Variants in PLD5 observed in about 807,000 individuals in gnomAD.
The protein encoded by PLD5 is inactive phospholipase D5.
A neutral mutation model predicts 61.1 loss-of-function variants in PLD5; 36 were observed. That is an observed-to-expected ratio of 0.59 (90% confidence interval 0.45 to 0.78). The LOEUF is 0.78. Among genes scored for constraint, PLD5 ranks in the 30% least tolerant of loss-of-function variants. The probability of loss-of-function intolerance (pLI) is 0.00; values close to 1 mark genes in which losing one functional copy is unlikely to be tolerated. For missense variants in PLD5, 515 were observed against 644.4 expected (o/e 0.80, Z 2.17); for synonymous variants, 243 against 242.8 (o/e 1.00, Z -0.01).
At chr1:242,513,969 C>T (rs1669019055) in intron 1 of PLD5, among the ~76,000 whole-genome samples, 1 of 152,210 alleles carries the variant, frequency 6.6e-6, no homozygotes, top group African/African-American at 2.4e-5. Context: ...TCCATCACCT[C>T]TTTTTACTTC....
At chr1:242,147,012 A>G (rs188504606) in intron 5 of PLD5, among the ~76,000 whole-genome samples, 25 of 152,316 alleles carry the variant, frequency 1.6e-4, no homozygotes, top group African/African-American at 5.5e-4. Context: ...TTTATTTTCC[A>G]TTTATATTGA....
chr1:242,328,134 T>C (rs1349366032), intron 2 of PLD5, among the ~76,000 whole-genome samples: 4 of 152,114 alleles, frequency 2.6e-5, no homozygotes, highest in Admixed American at 6.5e-5. Flanking sequence ...TGTAACTAAA[T>C]AGTCAATCAT....
intron 5 of PLD5, among the ~76,000 whole-genome samples, chr1:242,176,141 A>G (rs57768939): frequency 0.079 from 11,973 of 152,236 alleles, 552 homozygotes; most frequent in Middle Eastern, 0.15. Context: ...AATCCTAAAT[A>G]AAAAGAATAA....
intron 4 of PLD5, among the ~76,000 whole-genome samples, chr1:242,226,562 G>A (rs1400137830): frequency 2.6e-5 from 4 of 152,166 alleles, no homozygotes; most frequent in Admixed American, 6.5e-5. Flanking sequence ...AACAAACAAG[G>A]CTAAGGTTCA....
At chr1:242,416,489 A>C (rs1572104753) in intron 1 of PLD5, among the ~76,000 whole-genome samples, 1 of 152,172 alleles carries the variant, frequency 6.6e-6, no homozygotes, top group South Asian at 2.1e-4. Context: ...GAAGCCTAGG[A>C]TCTCTTAGTT....
At chr1:242,154,494 C>T (rs1463552572) in intron 5 of PLD5, among the ~76,000 whole-genome samples, 2 of 152,072 alleles carry the variant, frequency 1.3e-5, no homozygotes, top group Non-Finnish European at 1.5e-5. Flanking sequence ...ATAAATAGCT[C>T]TTATTATTTT....
intron 5 of PLD5, among the ~76,000 whole-genome samples, chr1:242,128,797 T>A (rs1372026121): frequency 6.6e-6 from 1 of 152,066 alleles, no homozygotes; most frequent in Non-Finnish European, 1.5e-5. Flanking sequence ...GGAGACAGAC[T>A]AGCTCCACCA....
At chr1:242,101,952 T>C (rs1430257935) in intron 8 of PLD5, among the ~76,000 whole-genome samples, 2 of 152,180 alleles carry the variant, frequency 1.3e-5, no homozygotes, top group Non-Finnish European at 2.9e-5. Context: ...TGTGTGGCTC[T>C]CAGGGCCCTA....
At chr1:242,202,391 G>A (rs1292761171) in intron 5 of PLD5, among the ~76,000 whole-genome samples, 3 of 152,076 alleles carry the variant, frequency 2.0e-5, no homozygotes, top group African/African-American at 7.2e-5. Context: ...CACATTTATT[G>A]AGCTTACAAT....
At chr1:242,258,659 C>A (rs3001672) in intron 4 of PLD5, among the ~76,000 whole-genome samples, 3 of 152,146 alleles carry the variant, frequency 2.0e-5, no homozygotes, top group Non-Finnish European at 4.4e-5. Context: ...CATTTAAGGA[C>A]CCTTTGAGGA....
chr1:242,167,558 G>C (rs995489101), intron 5 of PLD5, among the ~76,000 whole-genome samples: 1 of 152,030 alleles, frequency 6.6e-6, no homozygotes, highest in Non-Finnish European at 1.5e-5. Flanking sequence ...ATTTGGGTGG[G>C]GACACAGCCA....
intron 2 of PLD5, among the ~76,000 whole-genome samples, chr1:242,328,259 T>A (rs140849890): frequency 2.0e-5 from 3 of 151,924 alleles, no homozygotes; most frequent in East Asian, 3.9e-4. Flanking sequence ...AACATATATA[T>A]ATATACACAC....
chr1:242,395,004 T>C (rs1663440757), intron 1 of PLD5, among the ~76,000 whole-genome samples: 1 of 136,682 alleles, frequency 7.3e-6, no homozygotes, highest in Non-Finnish European at 1.5e-5. Flanking sequence ...TATGTATATA[T>C]GAATATATAT....
intron 1 of PLD5, among the ~76,000 whole-genome samples, chr1:242,432,537 G>T (rs1219992867): frequency 1.3e-5 from 2 of 152,170 alleles, no homozygotes; most frequent in African/African-American, 4.8e-5. Flanking sequence ...CTAAAGCTGG[G>T]GCTTAAAGCC....
chr1:242,328,407 T>C (rs6702552), intron 2 of PLD5, among the ~76,000 whole-genome samples: 13,448 of 152,236 alleles, frequency 0.088, 757 homozygotes, highest in East Asian at 0.24. Flanking sequence ...TAGTTGTGTG[T>C]TCTACACGTT....
intron 1 of PLD5, among the ~76,000 whole-genome samples, chr1:242,436,417 T>C (rs1665998375): frequency 6.6e-6 from 1 of 152,158 alleles, no homozygotes; most frequent in African/African-American, 2.4e-5. Context: ...ACTGGTAGGG[T>C]CATTTTATAT....
intron 9 of PLD5, among the ~76,000 whole-genome samples, chr1:242,093,873 A>C (rs779316977): frequency 6.6e-6 from 1 of 152,102 alleles, no homozygotes; most frequent in African/African-American, 2.4e-5. Flanking sequence ...TATTCTATGA[A>C]ATATAGCTTT....
At chr1:242,126,906 A>G (rs376041930) in intron 5 of PLD5, among the ~76,000 whole-genome samples, 246 of 152,356 alleles carry the variant, frequency 1.6e-3, no homozygotes, top group African/African-American at 5.6e-3. Context: ...TTCACAATCT[A>G]TACATCTGAC....
chr1:242,133,562 C>T (rs112991086), intron 5 of PLD5, among the ~76,000 whole-genome samples: 22 of 152,328 alleles, frequency 1.4e-4, no homozygotes, highest in African/African-American at 4.8e-4. Context: ...GGGGAAGTGA[C>T]TTGCAAGATC....
Sources: gnomAD v4.1 joint callset for allele counts (sites outside exome capture counted in the v4.1 genomes callset) on GRCh38, gnomAD v4.1.1 for gene constraint, MANE v1.5 for transcripts, NCBI Gene and HGNC (gene_info 2026-07-23, HGNC 2026-07-21) for gene names.